Variants in STAU1 observed in about 807,000 individuals in gnomAD.
STAU1 encodes staufen double-stranded RNA binding protein 1, also known as double-stranded RNA-binding protein Staufen homolog 1.
A neutral mutation model predicts 62.9 loss-of-function variants in STAU1; 13 were observed. The ratio of observed to expected loss-of-function variants is 0.21; its 90% CI spans 0.13 to 0.33. The LOEUF (loss-of-function observed/expected upper bound fraction) is 0.33, where lower values mean the gene tolerates loss of function less well. Ranked by LOEUF, STAU1 falls within the 10% of genes least tolerant of loss-of-function variation. The pLI is 1.00. For synonymous variants in STAU1, 269 were observed against 265.1 expected, an observed-to-expected ratio of 1.01 and a Z score of -0.14; for missense variants, 571 against 712.1, an observed-to-expected ratio of 0.80 and a Z score of 2.25.
chr20:49,123,202 T>C lies in STAU1; in HGVS notation c.856A>G (p.Asn286Asp). 6.2e-7 allele frequency: 1 copy of C among 1,614,196 alleles called. No individual in the cohort carries two copies. The highest frequency in any genetic ancestry group is 8.5e-7 in the Non-Finnish European group (1 of 1,180,032). The change falls in exon 8 of 14, where the codon AAT becomes GAT. Residue 286 changes from asparagine to aspartate, a missense_variant. By Grantham distance (23) the Asn-to-Asp change is conservative (BLOSUM62 1). This residue lies in a region of STAU1 where 414 missense variants were observed against 499.6 expected (regional missense o/e 0.83). Coordinates refer to ENST00000371856, the MANE Select transcript of STAU1 (RefSeq NM_017453.4). ...ATCTGGGCCAGTCGGCTAATCGGAT[T>C]GATCCCCTGGCCATATTCTGGGCTT... is the stretch of plus-strand genomic sequence containing the variant. Reference protein sequence around the residue: ...QTSPEYGQGINPISRLAQIQQ... With the variant: ...QTSPEYGQGIDPISRLAQIQQ...
In STAU1 at chr20:49,135,824, T is replaced by A. The variant is rs376150633; in HGVS notation, c.609+9A>T. The A allele has an allele frequency of 3.9e-5, 62 of 1,609,294 alleles. No homozygotes were observed. Among genetic ancestry groups the A allele is most frequent in the Non-Finnish European group, 4.9e-5 (58 of 1,176,860 alleles). On this transcript the variant is annotated intron_variant, in intron 6 of 13. Transcript: ENST00000371856. ...AGAATACAAAGTCCTACATGTAAAA[T>A]TAGCTTACCTCGAAATTCACAGGCA...
At chr20:49,159,160 A>AG (rs1402404589) in intron 3 of STAU1, 3 of 1,083,348 alleles carry the variant, frequency 2.8e-6, no homozygotes, top group Non-Finnish European at 3.4e-6. Flanking sequence ...AAAAAAAAAA[A>AG]ACACACAAAG....
intron 1 of STAU1, among the ~76,000 whole-genome samples, chr20:49,186,419 G>A (rs1379986967): frequency 6.6e-6 from 1 of 151,872 alleles, no homozygotes; most frequent in Non-Finnish European, 1.5e-5. Flanking sequence ...CTAGGAAAAT[G>A]TCAAAAACAA....
chr20:49,159,005 G>A, intron 3 of STAU1: 1 of 1,295,412 alleles, frequency 7.7e-7, no homozygotes, highest in Non-Finnish European at 1.0e-6. Context: ...CAGTCCATCA[G>A]GCTACTCATT....
At chr20:49,142,923 C>T (rs1302335937) in intron 5 of STAU1, among the ~76,000 whole-genome samples, 1 of 152,116 alleles carries the variant, frequency 6.6e-6, no homozygotes, top group Non-Finnish European at 1.5e-5. Flanking sequence ...CTGCCTCAGC[C>T]TCCTCATTAG....
At chr20:49,180,696 G>A (rs557331977) in intron 1 of STAU1, among the ~76,000 whole-genome samples, 4 of 152,308 alleles carry the variant, frequency 2.6e-5, no homozygotes, top group Admixed American at 6.5e-5. Context: ...AGGTTAATAA[G>A]ACAGCCCCTC....
At chr20:49,149,418 G>A (rs189418562) in intron 5 of STAU1, among the ~76,000 whole-genome samples, 145 of 152,218 alleles carry the variant, frequency 9.5e-4, no homozygotes, top group African/African-American at 3.0e-3. Flanking sequence ...TTAGAATCCC[G>A]GGGTTGGGCC....
chr20:49,151,883 T>C (rs1167010045), intron 4 of STAU1, 136 bp from the exon 5 acceptor site: 3 of 737,586 alleles, frequency 4.1e-6, no homozygotes, highest in Non-Finnish European at 4.2e-6. Context: ...TCTTCATCAA[T>C]ATATCCAGAG....
At chr20:49,190,293 T>G (rs2093829447), upstream of STAU1, among the ~76,000 whole-genome samples, 1 of 152,162 alleles carries the variant, frequency 6.6e-6, no homozygotes. Context: ...ATCTTTTTTG[T>G]TTTTTTCTTG....
chr20:49,156,141 T>C (rs977737568), intron 3 of STAU1, among the ~76,000 whole-genome samples: 7 of 152,248 alleles, frequency 4.6e-5, no homozygotes, highest in African/African-American at 1.7e-4. Flanking sequence ...CAATAAGCAC[T>C]TCTGACCAAC....
chr20:49,198,017 G>T, the STAU1 span, among the ~76,000 whole-genome samples: 1 of 152,046 alleles, frequency 6.6e-6, no homozygotes, highest in Non-Finnish European at 1.5e-5. Flanking sequence ...GCCATATCTG[G>T]AATATATTAA....
Position 49,115,033 on chromosome 20 carries a change from G to A in STAU1, c.1719-140C>T, listed in dbSNP as rs184791314. On this transcript the variant is annotated intron_variant, in intron 13 of 13. Transcript: ENST00000371856. ...GTTTATGATAACAAAAGTTTTCCCA[G>A]GGTATGCCAGTAAGTAAAATACGCA... is the stretch of plus-strand genomic sequence containing the variant. The A allele has an allele frequency of 2.3e-4, 183 of 803,064 alleles. 1 individual carries two copies. In the East Asian group the frequency reaches 3.9e-3, roughly 17 times the overall value. 49.7% of individuals were successfully genotyped at this position (803,064 alleles called of 1,614,324 possible). A position where few individuals can be genotyped will look rare whatever the true frequency, so the allele number is the denominator to read the frequency against.
rs1364018109 is a variant in STAU1 at position 49,130,043 on chromosome 20, A to T, written c.610-5456T>A. Reference sequence around the variant, plus strand: ...GTATATAAATGTTTACAGTAGATTTATTAATAATCACCAAAAACTCACAAC... The same window carrying T: ...GTATATAAATGTTTACAGTAGATTTTTTAATAATCACCAAAAACTCACAAC... On this transcript the variant is annotated intron_variant, in intron 6 of 13. Coordinates refer to ENST00000371856, the MANE Select transcript of STAU1 (RefSeq NM_017453.4). Among the ~76,000 whole-genome samples the T allele has an allele frequency of 2.6e-5, 4 of 152,188 alleles. No individual in the cohort carries two copies. The East Asian group carries it at 7.7e-4, about 29-fold the overall frequency.
chr20:49,124,355 G>T lies in STAU1; in HGVS notation c.822+20C>A, dbSNP rs200374595. On this transcript the variant is annotated intron_variant, in intron 7 of 13. Transcript: ENST00000371856. ...TCTATAAGTAATGAAAACACCTTCT[G>T]TGTTCAGAAAAGTTCTCACCTTGAC... 6.2e-7 allele frequency: 1 copy of T among 1,610,572 alleles called. No individual in the cohort carries two copies. Among genetic ancestry groups the T allele is most frequent in the East Asian group, 2.2e-5 (1 of 44,874 alleles).
chr20:49,151,116 C>T (rs2093240400), intron 5 of STAU1, among the ~76,000 whole-genome samples: 1 of 152,220 alleles, frequency 6.6e-6, no homozygotes, highest in South Asian at 2.1e-4. Context: ...TTTAAACCAT[C>T]ACTAAATTCT....
intron 3 of STAU1, chr20:49,158,309 C>A (rs2093396053): frequency 6.4e-6 from 4 of 627,524 alleles, no homozygotes; most frequent in Non-Finnish European, 9.7e-6. Flanking sequence ...TTAATTGAAG[C>A]TTTTATTCTT....
intron 3 of STAU1, among the ~76,000 whole-genome samples, chr20:49,165,456 A>G (rs535715396): frequency 7.2e-5 from 11 of 152,136 alleles, no homozygotes; most frequent in Admixed American, 7.2e-4. Flanking sequence ...ATCCTGCCTC[A>G]GCCTCCTGAG....
the STAU1 span, among the ~76,000 whole-genome samples, chr20:49,206,213 G>C: frequency 4.7e-4 from 68 of 144,956 alleles, no homozygotes; most frequent in African/African-American, 1.6e-3. Flanking sequence ...AGGCTGGTCT[G>C]GAACTCCTGA....
chr20:49,199,577 T>A, the STAU1 span, among the ~76,000 whole-genome samples: 1 of 151,002 alleles, frequency 6.6e-6, no homozygotes, highest in East Asian at 2.0e-4. Flanking sequence ...TTTCTTTTAT[T>A]TACTTATTTT....
Sources: gnomAD v4.1 joint callset for allele counts (sites outside exome capture counted in the v4.1 genomes callset) on GRCh38, gnomAD v4.1.1 for gene constraint, gnomAD v4.1.1 regional missense constraint, MANE v1.5 for transcripts, NCBI Gene and HGNC (gene_info 2026-07-23, HGNC 2026-07-21) for gene names.